The following BICRA variants were observed in gnomAD, a reference collection of about 807,000 sequenced individuals.
BICRA encodes the protein BRD4-interacting chromatin-remodeling complex-associated protein.
Under a neutral mutation model 96.9 loss-of-function variants are expected in BICRA, and 31 were observed. The observed-to-expected ratio is 0.32, with a 90% CI of 0.24 to 0.43. The LOEUF is 0.43. Among genes scored for constraint, BICRA ranks in the 20% least tolerant of loss-of-function variants. BICRA has a pLI of 1.00. For missense variants in BICRA, 2,283 were observed against 2,190.3 expected, an observed-to-expected ratio of 1.04 and a Z score of -0.84; for synonymous variants, 1,350 against 1,071.8, an observed-to-expected ratio of 1.26 and a Z score of -5.07.
At position 47,698,888 on chromosome 19, in the gene BICRA, C is replaced by T; in HGVS notation, c.3398-77C>T. 1 of 1,356,898 alleles carries T rather than the reference C, an allele frequency of 7.4e-7. No homozygotes were observed. Among genetic ancestry groups the T allele is most frequent in the Non-Finnish European group, 1.0e-6 (1 of 969,880 alleles). 84.1% of individuals were successfully genotyped at this position (1,356,898 alleles called of 1,614,324 possible). ...CAGGTCCACGGTGCGCTATGCTGAC[C>T]CTGCCCCGCCCTCCTTCCTGCGCAT... On this transcript the variant is annotated intron_variant, in intron 12 of 14. Transcript: ENST00000594866. This position sits in a 1 kb window ranked among gnomAD's most constrained non-coding sequence, Gnocchi z 4.8.
intron 1 of BICRA, among the ~76,000 whole-genome samples, chr19:47,625,385 C>A (rs1392052730): frequency 6.6e-6 from 1 of 150,940 alleles, no homozygotes; most frequent in East Asian, 2.0e-4. Flanking sequence ...TGGCCTCCAA[C>A]TCTTTTGGGG....
At chr19:47,637,587 A>G (rs1972318559) in intron 1 of BICRA, among the ~76,000 whole-genome samples, 1 of 152,186 alleles carries the variant, frequency 6.6e-6, no homozygotes, top group Non-Finnish European at 1.5e-5. Flanking sequence ...GGTACAATGC[A>G]GTGGTTTTTA....
At chr19:47,673,925 CCT>C (rs1448035759) in intron 4 of BICRA, among the ~76,000 whole-genome samples, 163 bp downstream of exon 4, 9 of 152,112 alleles carry the variant, frequency 5.9e-5, no homozygotes, top group Non-Finnish European at 8.8e-5. Flanking sequence ...ATGGTAATCC[CCT>C]GTCCTCCTTC....
chr19:47,699,263 T>C lies in BICRA; in HGVS notation c.3493-40T>C. 8.2e-7 allele frequency: 1 copy of C among 1,220,042 alleles called. No homozygotes were observed. Among genetic ancestry groups the C allele is most frequent in the Non-Finnish European group, 1.2e-6 (1 of 844,140 alleles). 75.6% of individuals were successfully genotyped at this position (1,220,042 alleles called of 1,614,324 possible). ...CGTCGCTCGCGCCCCTTCCCCCTTC[T>C]TGCTGGTTCACTCGCACGTCGTCTT... On this transcript the variant is annotated intron_variant, in intron 13 of 14. Coordinates refer to ENST00000594866, the MANE Select transcript of BICRA (RefSeq NM_001394372.1). This position sits in a 1 kb window ranked among gnomAD's most constrained non-coding sequence, Gnocchi z 5.0.
intron 11 of BICRA, among the ~76,000 whole-genome samples, chr19:47,697,463 G>A (rs1973365341): frequency 6.6e-6 from 1 of 151,858 alleles, no homozygotes; most frequent in Non-Finnish European, 1.5e-5. Flanking sequence ...TGCCCAGGCT[G>A]GTTGGTTTTG....
At chr19:47,664,357 C>G (rs530849329) in intron 1 of BICRA, among the ~76,000 whole-genome samples, 1 of 152,166 alleles carries the variant, frequency 6.6e-6, no homozygotes, top group Non-Finnish European at 1.5e-5. Context: ...TCTGGAAGGA[C>G]ACTGTGTCAT....
intron 1 of BICRA, among the ~76,000 whole-genome samples, chr19:47,634,829 C>T (rs1047020608): frequency 2.8e-5 from 4 of 141,102 alleles, no homozygotes; most frequent in Non-Finnish European, 6.0e-5. Context: ...GTGGCGCGAT[C>T]TCGGCTCACT....
In BICRA at chr19:47,695,433, A is replaced by G; in HGVS notation, c.3145A>G (p.Lys1049Glu). 1 of 1,576,204 alleles carries G rather than the reference A, an allele frequency of 6.3e-7. No homozygotes were observed. The highest frequency in any genetic ancestry group is 8.6e-7 in the Non-Finnish European group (1 of 1,160,124). The change falls in exon 10 of 15, where the codon AAG (lysine) becomes GAG (glutamate). Residue 1049 changes from lysine (K) to glutamate (E), a missense_variant. Transcript: ENST00000594866. The stretch of plus-strand genomic sequence containing the variant: ...CAACCTCCCGACCCTGAATGTGGCC[A>G]AGGCCGCTTCCTCCGGGCCAGGGAA... ...ASNLPTLNVA[K>E]AASSGPGKPS...
intron 4 of BICRA, among the ~76,000 whole-genome samples, chr19:47,674,096 A>T (rs1188205214): frequency 6.6e-6 from 1 of 152,218 alleles, no homozygotes; most frequent in Non-Finnish European, 1.5e-5. Flanking sequence ...AGATAGTGTG[A>T]TCAGAAAGGG....
chr19:47,678,797 G>C (rs990781977), intron 5 of BICRA, among the ~76,000 whole-genome samples: 1 of 151,952 alleles, frequency 6.6e-6, no homozygotes, highest in African/African-American at 2.4e-5. Flanking sequence ...GATCAAGCAC[G>C]CCCTAGGTTA....
intron 1 of BICRA, among the ~76,000 whole-genome samples, chr19:47,611,855 G>A (rs1194612694): frequency 1.3e-5 from 2 of 151,992 alleles, no homozygotes; most frequent in Non-Finnish European, 2.9e-5. Context: ...GGGGAGGAAT[G>A]TCAACTGGTG....
chr19:47,678,382 C>A (rs994518097), intron 5 of BICRA, among the ~76,000 whole-genome samples: 1 of 152,188 alleles, frequency 6.6e-6, no homozygotes, highest in Non-Finnish European at 1.5e-5. Flanking sequence ...TCCCAAAGTG[C>A]TGGGATTACA....
At chr19:47,655,382 G>A (rs1277677913) in intron 1 of BICRA, among the ~76,000 whole-genome samples, 1 of 149,294 alleles carries the variant, frequency 6.7e-6, no homozygotes, top group African/African-American at 2.5e-5. Context: ...AAAATTAGCC[G>A]GGCGTGGTGG....
intron 1 of BICRA, among the ~76,000 whole-genome samples, chr19:47,616,915 G>A (rs1375872888): frequency 6.8e-6 from 1 of 147,532 alleles, no homozygotes; most frequent in African/African-American, 2.5e-5. Context: ...TGCAACCTCC[G>A]CCTCCCAGGT....
intron 1 of BICRA, among the ~76,000 whole-genome samples, chr19:47,629,681 G>A (rs1452332102): frequency 2.6e-5 from 4 of 151,442 alleles, no homozygotes; most frequent in African/African-American, 4.9e-5. Flanking sequence ...TTTTTGAGAC[G>A]GAGTCTCGCT....
Position 47,611,252 on chromosome 19 carries a change from T to C in BICRA, c.-108+2084T>C, listed in dbSNP as rs769903720. Among the ~76,000 whole-genome samples the C allele has an allele frequency of 5.9e-5, 9 of 152,130 alleles. No homozygotes were observed. In the East Asian group the frequency reaches 1.7e-3, roughly 29 times the overall value. On this transcript the variant is annotated intron_variant, in intron 1 of 14. Coordinates refer to ENST00000594866, the MANE Select transcript of BICRA (RefSeq NM_001394372.1). ...ACCTGGTTCGGAAATGTAGATAATA[T>C]TTAGAAGAAGCGGCCAGATTTTTTT...
At chr19:47,619,039 G>A (rs1365618824) in intron 1 of BICRA, among the ~76,000 whole-genome samples, 1 of 152,142 alleles carries the variant, frequency 6.6e-6, no homozygotes, top group Non-Finnish European at 1.5e-5. Context: ...CTTGGCGCCC[G>A]GCCTGGGTGC....
chr19:47,679,227 C>A (rs1418709168), intron 5 of BICRA, 94 bp from the exon 6 acceptor site: 1 of 870,340 alleles, frequency 1.1e-6, no homozygotes, highest in Non-Finnish European at 1.6e-6. Flanking sequence ...AACGTGGCTG[C>A]CCTGTCACCT....
At chr19:47,664,861 C>T (rs1268693065) in intron 1 of BICRA, among the ~76,000 whole-genome samples, 2 of 152,272 alleles carry the variant, frequency 1.3e-5, no homozygotes, top group East Asian at 3.9e-4. Context: ...AGACACAGTG[C>T]GCCCACTCCA....
Sources: gnomAD v4.1 joint callset for allele counts (sites outside exome capture counted in the v4.1 genomes callset) on GRCh38, gnomAD v4.1.1 for gene constraint, Gnocchi (gnomAD v3.1) non-coding constraint, MANE v1.5 for transcripts, NCBI Gene and HGNC (gene_info 2026-07-23, HGNC 2026-07-21) for gene names.